The following FIG4 variants were observed in gnomAD, a reference collection of about 807,000 sequenced individuals.
The protein encoded by FIG4 is FIG4 phosphoinositide 5-phosphatase, also known as polyphosphoinositide phosphatase.
FIG4 carries 112 observed loss-of-function variants against 118.6 expected under a neutral mutation model. The observed-to-expected ratio is 0.94, with a 90% confidence interval of 0.81 to 1.11. The LOEUF is 1.11. Ranked by LOEUF, FIG4 falls within the 50% of genes least tolerant of loss-of-function variation. FIG4 has a pLI of 0.00. For missense variants in FIG4, 969 were observed against 1,111.7 expected, an observed-to-expected ratio of 0.87 and a Z score of 1.83; for synonymous variants, 369 against 381.2, an observed-to-expected ratio of 0.97 and a Z score of 0.37.
rs1424725454 is a variant in FIG4 at position 109,789,687 on chromosome 6, G to A, written c.2180+10G>A. ...GAAAATCAGTATTGGGGTAAGATTT[G>A]TGTATAGAACGAAACTTTAAAGATT... On this transcript the variant is annotated intron_variant, in intron 19 of 22. Transcript: ENST00000230124. The A allele has an allele frequency of 6.3e-7, 1 of 1,582,968 alleles. No homozygotes were observed. Among genetic ancestry groups the A allele is most frequent in the African/African-American group, 1.3e-5 (1 of 74,350 alleles).
intron 22 of FIG4, among the ~76,000 whole-genome samples, 160 bp from the exon 23 acceptor site, chr6:109,824,928 G>A (rs1160998505): frequency 6.6e-6 from 1 of 152,192 alleles, no homozygotes; most frequent in Non-Finnish European, 1.5e-5. Context: ...GCAGAGAAGA[G>A]AACCAGCCTC....
intron 16 of FIG4, among the ~76,000 whole-genome samples, chr6:109,784,699 A>G (rs1289267877): frequency 6.6e-6 from 1 of 152,218 alleles, no homozygotes; most frequent in East Asian, 1.9e-4. Flanking sequence ...AGCTAAAAGT[A>G]AATAATATCA....
At chr6:109,703,975 T>C (rs1355500934) in intron 1 of FIG4, among the ~76,000 whole-genome samples, 1 of 152,116 alleles carries the variant, frequency 6.6e-6, no homozygotes, top group Non-Finnish European at 1.5e-5. Context: ...CCCTACTCTC[T>C]CTAGTAGGTT....
chr6:109,702,914 A>G lies in FIG4; in HGVS notation c.66+11413A>G, dbSNP rs374299169. Reference sequence around the variant, plus strand: ...AAGCAATGGCTTTAGTCCGGACTGGATGCTCCCAAGGCCTGCACTACAGCC... The same window carrying G: ...AAGCAATGGCTTTAGTCCGGACTGGGTGCTCCCAAGGCCTGCACTACAGCC... On this transcript the variant is annotated intron_variant, in intron 1 of 22. Transcript: ENST00000230124. Among the ~76,000 whole-genome samples the G allele has an allele frequency of 1.2e-4, 18 of 152,182 alleles. No individual in the cohort carries two copies. In the South Asian group the frequency reaches 3.7e-3, roughly 32 times the overall value.
At chr6:109,735,396 T>C in intron 6 of FIG4, 98 bp downstream of exon 6, 1 of 1,199,136 alleles carries the variant, frequency 8.3e-7, no homozygotes, top group Non-Finnish European at 1.2e-6. Context: ...TGTCCATCCC[T>C]CTTTGCTGTT....
intron 6 of FIG4, among the ~76,000 whole-genome samples, chr6:109,736,121 T>G (rs1020059649): frequency 3.9e-5 from 6 of 152,160 alleles, no homozygotes; most frequent in Non-Finnish European, 7.4e-5. Flanking sequence ...TTCAGCTGAC[T>G]GTGGAAAGTA....
intron 22 of FIG4, among the ~76,000 whole-genome samples, chr6:109,807,180 G>A (rs1370707181): frequency 1.3e-5 from 2 of 152,172 alleles, no homozygotes; most frequent in Non-Finnish European, 2.9e-5. Context: ...TTGAGGAATC[G>A]TCACACGGTC....
intron 2 of FIG4, 108 bp from the exon 3 acceptor site, chr6:109,716,337 A>T (rs954974205): frequency 4.5e-6 from 5 of 1,120,718 alleles, no homozygotes; most frequent in Middle Eastern, 2.1e-4. Flanking sequence ...ATACTTCTGT[A>T]TGAAATAGCT....
At chr6:109,813,486 G>T (rs953113257) in intron 22 of FIG4, among the ~76,000 whole-genome samples, 3 of 152,084 alleles carry the variant, frequency 2.0e-5, no homozygotes, top group Non-Finnish European at 4.4e-5. Flanking sequence ...TTTTCATTCT[G>T]GTACACTTCT....
chr6:109,789,319 G>A (rs1259056053), intron 18 of FIG4, among the ~76,000 whole-genome samples: 4 of 152,104 alleles, frequency 2.6e-5, no homozygotes, highest in African/African-American at 7.2e-5. Context: ...AGTTAAGACT[G>A]ATAACATTGA....
At chr6:109,755,556 T>C (rs1284519165) in intron 10 of FIG4, among the ~76,000 whole-genome samples, 2 of 152,164 alleles carry the variant, frequency 1.3e-5, no homozygotes, top group Non-Finnish European at 2.9e-5. Context: ...TTCCCATTAT[T>C]ATTGTGTGGG....
intron 10 of FIG4, among the ~76,000 whole-genome samples, chr6:109,749,618 A>AAATAAAATAAAATAAAAT: frequency 2.0e-5 from 3 of 151,910 alleles, no homozygotes; most frequent in East Asian, 1.9e-4. Flanking sequence ...AAATAAAATA[A>AAATAAAATAAAATAAAAT]AAAGTAAGTT....
At chr6:109,765,999 T>A (rs1444735365) in intron 14 of FIG4, among the ~76,000 whole-genome samples, 1 of 152,234 alleles carries the variant, frequency 6.6e-6, no homozygotes, top group Non-Finnish European at 1.5e-5. Context: ...CTTAGTCTGC[T>A]GTGATCTGAA....
chr6:109,711,037 C>T (rs1441644728), intron 1 of FIG4, among the ~76,000 whole-genome samples: 4 of 151,922 alleles, frequency 2.6e-5, no homozygotes, highest in Admixed American at 2.6e-4. Context: ...CTACTATTGT[C>T]AGTGTGGTGT....
chr6:109,822,557 A>G (rs951708132), intron 22 of FIG4, among the ~76,000 whole-genome samples: 2 of 151,966 alleles, frequency 1.3e-5, no homozygotes, highest in Non-Finnish European at 2.9e-5. Context: ...AACAGTGTAA[A>G]AAAACAGTCA....
intron 7 of FIG4, 25 bp from the exon 8 acceptor site, chr6:109,741,419 A>G (rs1250322971): frequency 3.4e-6 from 5 of 1,463,024 alleles, no homozygotes; most frequent in Non-Finnish European, 9.6e-7. Flanking sequence ...CATGAATGCT[A>G]AACAACCTTA....
At chr6:109,693,320 G>C (rs1774606042) in intron 1 of FIG4, among the ~76,000 whole-genome samples, 1 of 152,100 alleles carries the variant, frequency 6.6e-6, no homozygotes, top group East Asian at 1.9e-4. Flanking sequence ...TTTTTCTGCT[G>C]TTCTCTATTC....
intron 22 of FIG4, among the ~76,000 whole-genome samples, chr6:109,800,656 C>T (rs2128399040): frequency 6.6e-6 from 1 of 152,326 alleles, no homozygotes; most frequent in South Asian, 2.1e-4. Flanking sequence ...TCCCCCATCA[C>T]ACCCATGACC....
intron 15 of FIG4, among the ~76,000 whole-genome samples, chr6:109,773,954 G>A (rs542900888): frequency 5.0e-4 from 76 of 152,124 alleles, no homozygotes; most frequent in African/African-American, 1.8e-3. Flanking sequence ...GACTATAGGC[G>A]TGTGCCACCA....
Sources: gnomAD v4.1 joint callset for allele counts (sites outside exome capture counted in the v4.1 genomes callset) on GRCh38, gnomAD v4.1.1 for gene constraint, MANE v1.5 for transcripts, NCBI Gene and HGNC (gene_info 2026-07-23, HGNC 2026-07-21) for gene names.